IRAK3: variants seen among roughly 807,000 people sequenced by gnomAD.
IRAK3 encodes interleukin-1 receptor-associated kinase 3.
In IRAK3, 57 loss-of-function variants were observed where a neutral mutation model predicts 56.6. The observed-to-expected ratio is 1.01, with a 90% CI of 0.81 to 1.26. The LOEUF (loss-of-function observed/expected upper bound fraction) is 1.26, where lower values mean the gene tolerates loss of function less well. Ranked by LOEUF, IRAK3 falls within the 50% of genes most tolerant of loss-of-function variation. The pLI, the probability that IRAK3 is intolerant of heterozygous loss-of-function variation, is 0.00. For synonymous variants in IRAK3, 258 were observed against 255.7 expected (o/e 1.01, Z -0.09); for missense variants, 703 against 719.0 (o/e 0.98, Z 0.25).
chr12:66,214,181 A>G (rs2052641831), intron 5 of IRAK3, among the ~76,000 whole-genome samples: 1 of 152,074 alleles, frequency 6.6e-6, no homozygotes, highest in Non-Finnish European at 1.5e-5. Flanking sequence ...TCTAGGTTAG[A>G]TAGTGGATTG....
chr12:66,215,790 A>ACGCGCGCGCGCG (rs1225435769), intron 5 of IRAK3, among the ~76,000 whole-genome samples: 1 of 103,090 alleles, frequency 9.7e-6, no homozygotes, highest in African/African-American at 3.1e-5. Context: ...CAACATGCAC[A>ACGCGCGCGCGCG]CACACACACA....
rs2052721130 is a variant in IRAK3 at position 66,220,527 on chromosome 12, T to C, written c.653+3292T>C. Reference sequence around the variant, plus strand: ...TTGTTCTTCTTTCTTTTTTTTTTTTTTTTTTTTTTTTGAGACGGAGTCTCG... The same window carrying C: ...TTGTTCTTCTTTCTTTTTTTTTTTTCTTTTTTTTTTTGAGACGGAGTCTCG... On this transcript the variant is annotated intron_variant, in intron 6 of 11. Transcript: ENST00000261233. Among the ~76,000 whole-genome samples the C allele has an allele frequency of 2.2e-5, 3 of 133,792 alleles. No homozygotes were observed. The South Asian group carries it at 7.6e-4, about 34-fold the overall frequency. The allele number at this position is 133,792 out of a possible 152,430, so 87.8% of individuals were successfully genotyped here.
chr12:66,217,258 TTCC>T (rs1565804473), intron 6 of IRAK3, 23 bp downstream of exon 6: 2 of 1,543,432 alleles, frequency 1.3e-6, no homozygotes, highest in African/African-American at 2.7e-5. Flanking sequence ...TCTCTGGAAT[TTCC>T]TCCTCTTTGT....
intron 11 of IRAK3, among the ~76,000 whole-genome samples, chr12:66,246,163 T>C (rs962837559): frequency 1.3e-5 from 2 of 152,080 alleles, no homozygotes; most frequent in African/African-American, 4.8e-5. Flanking sequence ...TTGATAGATA[T>C]GACGGTTTAG....
At position 66,248,175 on chromosome 12, in the gene IRAK3, C is replaced by A. The variant is rs754861149; in HGVS notation, c.*4C>A. 1 of 1,605,758 alleles carries A rather than the reference C, an allele frequency of 6.2e-7. No individual in the cohort carries two copies. The highest frequency in any genetic ancestry group is 8.5e-7 in the Non-Finnish European group (1 of 1,172,754). ...TGAACAGTACAAAAAAGAATAAATT[C>A]TACCAGAAGATAAAGAAAAAAGCAA... On this transcript the variant is annotated 3_prime_UTR_variant, in exon 12 of 12. Coordinates refer to ENST00000261233, the MANE Select transcript of IRAK3 (RefSeq NM_007199.3).
intron 5 of IRAK3, among the ~76,000 whole-genome samples, chr12:66,212,250 T>C (rs1408606746): frequency 6.6e-6 from 1 of 152,172 alleles, no homozygotes; most frequent in Non-Finnish European, 1.5e-5. Context: ...AAGCCACAGT[T>C]TGGCATTTGG....
chr12:66,220,883 A>G (rs2052726389), intron 6 of IRAK3, among the ~76,000 whole-genome samples: 1 of 151,834 alleles, frequency 6.6e-6, no homozygotes, highest in South Asian at 2.1e-4. Flanking sequence ...AAATTTTAGC[A>G]TTTTTCTTCT....
chr12:66,194,556 G>A (rs920835787), intron 1 of IRAK3, among the ~76,000 whole-genome samples: 11 of 152,152 alleles, frequency 7.2e-5, no homozygotes, highest in Non-Finnish European at 1.2e-4. Flanking sequence ...TGCCGGACGC[G>A]GTGGTTCACG....
chr12:66,191,154 G>A (rs998335325), intron 1 of IRAK3, among the ~76,000 whole-genome samples: 2 of 152,314 alleles, frequency 1.3e-5, no homozygotes, highest in South Asian at 2.1e-4. Flanking sequence ...ATTGGAGGCT[G>A]TTGATATGGG....
At position 66,217,078 on chromosome 12, in the gene IRAK3, T is replaced by G. The variant is rs1006440052; in HGVS notation, c.589-93T>G. 1.5e-5 allele frequency: 13 copies of G among 882,448 alleles called. No individual in the cohort carries two copies. In the African/African-American group the frequency reaches 2.1e-4, roughly 15 times the overall value. The allele number at this position is 882,448 out of a possible 1,614,324, so 54.7% of individuals were successfully genotyped here. On this transcript the variant is annotated intron_variant, in intron 5 of 11. Coordinates refer to ENST00000261233, the MANE Select transcript of IRAK3 (RefSeq NM_007199.3). ...GTTCATATGTGTTTACACCAAAAAG[T>G]TCATCTAATTTAGGGAGACTATAGA... is the stretch of plus-strand genomic sequence containing the variant.
intron 5 of IRAK3, among the ~76,000 whole-genome samples, chr12:66,213,644 T>C (rs1193431242): frequency 6.6e-6 from 1 of 152,128 alleles, no homozygotes; most frequent in Non-Finnish European, 1.5e-5. Flanking sequence ...CTTAAGATCA[T>C]TGATTTTAAC....
rs548229277 is a variant in IRAK3, at chr12:66,247,799, T to G, written c.1419T>G (p.Asn473Lys). Residue 473 changes from asparagine (N) to lysine (K), a missense_variant, in exon 12 of 12, where the codon AAT (asparagine) becomes AAG (lysine). Transcript: ENST00000261233. ...FRCPSPLFLE[N>K]VPSIPVEDDE... ...GTCCTTCTCCTCTATTCCTGGAGAA[T>G]GTACCAAGTATTCCAGTGGAAGATG... 6.2e-7 allele frequency: 1 copy of G among 1,613,882 alleles called. No individual in the cohort carries two copies. Among genetic ancestry groups the G allele is most frequent in the Non-Finnish European group, 8.5e-7 (1 of 1,179,738 alleles).
chr12:66,240,198 A>G (rs2136949387), intron 8 of IRAK3, among the ~76,000 whole-genome samples: 1 of 152,326 alleles, frequency 6.6e-6, no homozygotes, highest in South Asian at 2.1e-4. Context: ...AATACTGGTA[A>G]GAACCCCGTG....
In IRAK3 at chr12:66,253,741, G is replaced by A. The variant is rs773492139; in HGVS notation, c.*5570G>A. 3 of 152,184 alleles carry A rather than the reference G, an allele frequency of 2.0e-5. No individual in the cohort carries two copies. The highest frequency in any genetic ancestry group is 7.2e-5 in the African/African-American group (3 of 41,440). 9.4% of individuals were successfully genotyped at this position (152,184 alleles called of 1,614,324 possible). On this transcript the variant is annotated 3_prime_UTR_variant, in exon 12 of 12. Coordinates refer to ENST00000261233, the MANE Select transcript of IRAK3 (RefSeq NM_007199.3). Reference sequence around the variant, plus strand: ...AAATGCAGGCTCATTGTTGTGTCTAGTAGGTGCTAGGTGCATTCACACATC... The same window carrying A: ...AAATGCAGGCTCATTGTTGTGTCTAATAGGTGCTAGGTGCATTCACACATC...
chr12:66,244,591 C>G lies in IRAK3; in HGVS notation c.993C>G (p.Thr331=), dbSNP rs777488593. 29 of 1,613,096 alleles carry G rather than the reference C, an allele frequency of 1.8e-5. No homozygotes were observed. Among genetic ancestry groups the G allele is most frequent in the South Asian group, 7.7e-5 (7 of 91,036 alleles). The change falls in exon 9 of 12, where the codon ACC becomes ACG. Residue 331 remains threonine (T), a synonymous_variant. Transcript: ENST00000261233. The part of the protein sequence containing the change: ...LEHQSCTINM[T]SSSSKHLWYM... ...ATCAGAGTTGTACCATAAATATGAC[C>G]AGCAGCAGCAGTAAACATCTGTGGT...
rs1208324616 is a variant in IRAK3, at chr12:66,248,296, G to A, written c.*125G>A. The A allele has an allele frequency of 5.7e-6, 4 of 696,530 alleles. No individual in the cohort carries two copies. The East Asian group carries it at 7.4e-5, about 13-fold the overall frequency. The allele number at this position is 696,530 out of a possible 1,614,324, so 43.1% of individuals were successfully genotyped here. ...ATGATCAATAGTGAGTTTGGGTGAT[G>A]CAGATAAACAATCTGGATAATTCCA... On this transcript the variant is annotated 3_prime_UTR_variant, in exon 12 of 12. Transcript: ENST00000261233.
At chr12:66,206,195 AT>A (rs981581789) in intron 2 of IRAK3, among the ~76,000 whole-genome samples, 2 of 152,004 alleles carry the variant, frequency 1.3e-5, no homozygotes, top group African/African-American at 4.8e-5. Flanking sequence ...CAGATTTCAC[AT>A]TTTTTTCTAC....
chr12:66,212,714 C>A (rs994635564), intron 5 of IRAK3, among the ~76,000 whole-genome samples: 1 of 152,168 alleles, frequency 6.6e-6, no homozygotes, highest in African/African-American at 2.4e-5. Flanking sequence ...AGAATGAGTT[C>A]ATGTCCTTTG....
At chr12:66,240,739 G>T (rs1489139188) in intron 8 of IRAK3, among the ~76,000 whole-genome samples, 1 of 151,606 alleles carries the variant, frequency 6.6e-6, no homozygotes, top group Non-Finnish European at 1.5e-5. Flanking sequence ...TCCTTCTGTG[G>T]AGTCCTGGCC....
Sources: allele counts gnomAD v4.1 joint callset (sites outside exome capture counted in the v4.1 genomes callset), GRCh38; gene constraint gnomAD v4.1.1; transcripts MANE v1.5; gene names NCBI Gene and HGNC (gene_info 2026-07-23, HGNC 2026-07-21).